PSMA1: variants seen among roughly 807,000 people sequenced by gnomAD.
The protein encoded by PSMA1 is proteasome 20S subunit alpha 1.
A neutral mutation model predicts 38.4 loss-of-function variants in PSMA1; 3 were observed. That is an observed-to-expected ratio of 0.08 (90% confidence interval 0.04 to 0.20). PSMA1 has a LOEUF of 0.20. PSMA1 is among the 10% of genes least tolerant of loss of function. The pLI, the probability that PSMA1 is intolerant of heterozygous loss-of-function variation, is 1.00. For missense variants in PSMA1, 227 were observed against 325.3 expected, an observed-to-expected ratio of 0.70 and a Z score of 2.32; for synonymous variants, 101 against 107.1, an observed-to-expected ratio of 0.94 and a Z score of 0.35.
chr11:14,638,531 CTCTCTCTCTCTCTCTATATATATA>C (rs1346346995), intron 1 of PSMA1, among the ~76,000 whole-genome samples: 75 of 28,932 alleles, frequency 2.6e-3, no homozygotes, highest in Non-Finnish European at 3.2e-3. Flanking sequence ...CTCTCTCTCT[CTCTCTCTCTCTCTCTATATATATA>C]TATATATATA....
chr11:14,519,386 A>C lies in PSMA1; in HGVS notation c.4-345T>G, dbSNP rs908283238. The stretch of plus-strand genomic sequence containing the variant: ...TTTTATTGGGCCCTAATAAATGGTT[A>C]AAAGTCTTCCTTTTCTTTAAGGTAG... On this transcript the variant is annotated intron_variant, in intron 1 of 9. Transcript: ENST00000396394. Among the ~76,000 whole-genome samples the C allele has an allele frequency of 3.3e-5, 5 of 152,196 alleles. No individual in the cohort carries two copies. In the South Asian group the frequency reaches 1.0e-3, roughly 32 times the overall value.
intron 2 of PSMA1, among the ~76,000 whole-genome samples, chr11:14,531,052 T>C (rs1851642601): frequency 6.6e-6 from 1 of 152,210 alleles, no homozygotes; most frequent in Non-Finnish European, 1.5e-5. Flanking sequence ...TGGAAATATT[T>C]ATAGGAAAAT....
intron 1 of PSMA1, among the ~76,000 whole-genome samples, chr11:14,619,452 G>A (rs1852814485): frequency 6.6e-6 from 1 of 151,958 alleles, no homozygotes; most frequent in Non-Finnish European, 1.5e-5. Flanking sequence ...AAAAAAATCT[G>A]TAATATAGAT....
Position 14,517,185 on chromosome 11 carries a change from G to C in PSMA1, c.254+457C>G, listed in dbSNP as rs1051616208. On this transcript the variant is annotated intron_variant, in intron 4 of 9. Transcript: ENST00000396394. ...AGTTTATAGATAAACTTGCCTTCAAGTTCCCTTAAGACAAGATCCATGTCT... is the reference window on the plus strand; with the variant it reads ...AGTTTATAGATAAACTTGCCTTCAACTTCCCTTAAGACAAGATCCATGTCT... Among the ~76,000 whole-genome samples, 5 of 152,238 alleles carry C rather than the reference G, an allele frequency of 3.3e-5. No individual in the cohort carries two copies. The East Asian group carries it at 9.6e-4, about 29-fold the overall frequency.
At chr11:14,629,383 T>C (rs1443613625) in intron 1 of PSMA1, among the ~76,000 whole-genome samples, 3 of 152,234 alleles carry the variant, frequency 2.0e-5, no homozygotes, top group Non-Finnish European at 2.9e-5. Flanking sequence ...GCTTTCTACA[T>C]ATGGCTAGCC....
intron 7 of PSMA1, 87 bp from the exon 8 acceptor site, chr11:14,511,038 G>T: frequency 1.1e-6 from 1 of 900,170 alleles, no homozygotes; most frequent in South Asian, 2.2e-5. Flanking sequence ...CTCAAATTGT[G>T]GTTTTTAGTT....
chr11:14,626,854 A>G (rs993937664), intron 1 of PSMA1, among the ~76,000 whole-genome samples: 4 of 152,212 alleles, frequency 2.6e-5, no homozygotes, highest in Non-Finnish European at 4.4e-5. Flanking sequence ...AATTTAACTC[A>G]CTGTATTACT....
chr11:14,566,074 C>T (rs915105627), intron 2 of PSMA1, among the ~76,000 whole-genome samples: 39 of 152,132 alleles, frequency 2.6e-4, no homozygotes, highest in Admixed American at 1.9e-3. Flanking sequence ...CCAGTGTGGC[C>T]GGAGTGAAGT....
chr11:14,613,424 T>C (rs1032045070), intron 1 of PSMA1, among the ~76,000 whole-genome samples: 2 of 151,610 alleles, frequency 1.3e-5, no homozygotes, highest in Admixed American at 1.3e-4. Context: ...GCTAAATTTT[T>C]TGTATTTTTA....
intron 1 of PSMA1, among the ~76,000 whole-genome samples, chr11:14,626,577 A>T (rs1315003883): frequency 6.6e-6 from 1 of 152,138 alleles, no homozygotes; most frequent in East Asian, 1.9e-4. Flanking sequence ...ATGTAGAAAA[A>T]ATCAGCATAA....
intron 2 of PSMA1, among the ~76,000 whole-genome samples, chr11:14,572,933 T>C (rs1672085807): frequency 6.6e-6 from 1 of 152,210 alleles, no homozygotes; most frequent in Non-Finnish European, 1.5e-5. Context: ...GATAAAATCC[T>C]GGACACATAC....
intron 2 of PSMA1, among the ~76,000 whole-genome samples, chr11:14,537,857 CA>C (rs1554968459): frequency 6.6e-6 from 1 of 151,800 alleles, no homozygotes; most frequent in Non-Finnish European, 1.5e-5. Context: ...TACAGATGTG[CA>C]CTGCCACACC....
chr11:14,642,679 C>A (rs1044788199), intron 1 of PSMA1, among the ~76,000 whole-genome samples: 1 of 152,120 alleles, frequency 6.6e-6, no homozygotes, highest in African/African-American at 2.4e-5. Flanking sequence ...GAGGTTGAAG[C>A]GAGAGCTTAG....
intron 8 of PSMA1, among the ~76,000 whole-genome samples, chr11:14,509,886 G>C (rs2134142836): frequency 6.6e-6 from 1 of 152,012 alleles, no homozygotes; most frequent in East Asian, 1.9e-4. Flanking sequence ...ACCAAGCCCG[G>C]CTAATTTTTT....
At chr11:14,581,326 G>A (rs1229232490) in intron 2 of PSMA1, among the ~76,000 whole-genome samples, 1 of 152,152 alleles carries the variant, frequency 6.6e-6, no homozygotes, top group Non-Finnish European at 1.5e-5. Flanking sequence ...TGAATCAGTT[G>A]GCTCAAGCAG....
exon 1 of PSMA1, chr11:14,643,604 G>C (rs1853252299): frequency 6.6e-6 from 1 of 151,818 alleles, no homozygotes; most frequent in East Asian, 1.9e-4. Flanking sequence ...GGGTCGGCGT[G>C]GTCCCGGCTC....
At chr11:14,608,884 G>C (rs1442296862) in intron 2 of PSMA1, among the ~76,000 whole-genome samples, 1 of 151,928 alleles carries the variant, frequency 6.6e-6, no homozygotes, top group African/African-American at 2.4e-5. Flanking sequence ...AACCCAAAGA[G>C]ATTAAAGCCC....
rs149957587 is a variant in PSMA1, at chr11:14,637,671, T to C, written c.-166+5784A>G. ...TTTCTGCAGAATGAGATCTAAGATATGTAGGGCCATGAAATTAAGATAATA... is the reference window on the plus strand; with the variant it reads ...TTTCTGCAGAATGAGATCTAAGATACGTAGGGCCATGAAATTAAGATAATA... On this transcript the variant is annotated intron_variant, in intron 1 of 10. Transcript: ENST00000418988. 2.8e-4 allele frequency among the ~76,000 whole-genome samples: 42 copies of C among 152,244 alleles called. No individual in the cohort carries two copies. The East Asian group carries it at 7.5e-3, about 27-fold the overall frequency.
At chr11:14,630,333 C>T (rs1358615659) in intron 1 of PSMA1, among the ~76,000 whole-genome samples, 14 of 152,202 alleles carry the variant, frequency 9.2e-5, no homozygotes, top group South Asian at 4.1e-4. Context: ...TTTTGAGATA[C>T]GTCCCATCAA....
Sources: gnomAD v4.1 joint callset for allele counts (sites outside exome capture counted in the v4.1 genomes callset) on GRCh38, gnomAD v4.1.1 for gene constraint, MANE v1.5 for transcripts, NCBI Gene and HGNC (gene_info 2026-07-23, HGNC 2026-07-21) for gene names.